The following FSTL1 variants were observed in gnomAD, a reference collection of about 807,000 sequenced individuals.
FSTL1 encodes follistatin-related protein 1.
A neutral mutation model predicts 45.9 loss-of-function variants in FSTL1; 24 were observed. The observed-to-expected ratio is 0.52, with a 90% CI of 0.38 to 0.74. The LOEUF (loss-of-function observed/expected upper bound fraction) is 0.74. Ranked by LOEUF, FSTL1 falls within the 30% of genes least tolerant of loss-of-function variation. The probability of loss-of-function intolerance (pLI) is 0.00; values close to 1 mark genes in which losing one functional copy is unlikely to be tolerated. For missense variants in FSTL1, 340 were observed against 381.8 expected (o/e 0.89, Z 0.91); for synonymous variants, 120 against 137.6 (o/e 0.87, Z 0.89).
chr3:120,396,935 T>TG lies in FSTL1; in HGVS notation c.*16dup, dbSNP rs759884608. The TG allele has an allele frequency of 6.3e-7, 1 of 1,592,618 alleles. No homozygotes were observed. Among genetic ancestry groups the TG allele is most frequent in the Non-Finnish European group, 8.6e-7 (1 of 1,160,278 alleles). On this transcript the variant is annotated 3_prime_UTR_variant, in exon 11 of 11. Coordinates refer to ENST00000295633, the MANE Select transcript of FSTL1 (RefSeq NM_007085.5). Reference sequence around the variant, plus strand: ...GGAGAAGATGCTGGGATCCAGACACTGGTCTGTGCCTCCTCATTAGATCTC... The same window carrying TG: ...GGAGAAGATGCTGGGATCCAGACACTGGGTCTGTGCCTCCTCATTAGATCTC...
intron 2 of FSTL1, among the ~76,000 whole-genome samples, chr3:120,426,367 C>T (rs927115055): frequency 1.3e-5 from 2 of 151,864 alleles, no homozygotes; most frequent in African/African-American, 4.8e-5. Flanking sequence ...GCTTCCCAAG[C>T]CCTGAACCCA....
chr3:120,445,402 AGAG>A (rs1268034553), intron 2 of FSTL1, among the ~76,000 whole-genome samples: 3 of 149,678 alleles, frequency 2.0e-5, no homozygotes, highest in Non-Finnish European at 4.4e-5. Context: ...CTAGACACCA[AGAG>A]AAGAGACAGA....
rs181125207 is a variant in FSTL1, at chr3:120,435,613, T to C, written c.63+15071A>G. 8.5e-5 allele frequency among the ~76,000 whole-genome samples: 13 copies of C among 152,330 alleles called. No individual in the cohort carries two copies. In the East Asian group the frequency reaches 2.5e-3, roughly 29 times the overall value. On this transcript the variant is annotated intron_variant, in intron 2 of 10. Coordinates refer to ENST00000295633, the MANE Select transcript of FSTL1 (RefSeq NM_007085.5). ...CAGACTGGCAGTCTAGAGCCTCAGC[T>C]ATCTATCTGAGCCCCAAATACATGC...
At chr3:120,412,090 ACT>A in intron 3 of FSTL1, 107 bp from the exon 4 acceptor site, 1 of 1,027,082 alleles carries the variant, frequency 9.7e-7, no homozygotes, top group Admixed American at 2.2e-5. Context: ...TTGTAAGGGG[ACT>A]CTCCACCACC....
At chr3:120,402,773 T>G in intron 9 of FSTL1, 35 bp downstream of exon 9, 2 of 1,205,324 alleles carry the variant, frequency 1.7e-6, no homozygotes, top group East Asian at 2.3e-5. Flanking sequence ...GCTCTCTCCT[T>G]GCTGTTTTTT....
At chr3:120,409,845 C>A (rs1937018436) in intron 5 of FSTL1, 183 bp from the exon 6 acceptor site, 2 of 429,784 alleles carry the variant, frequency 4.7e-6, no homozygotes, top group Non-Finnish European at 4.1e-6. Flanking sequence ...GATTCAAGCA[C>A]CCATCTCTAA....
chr3:120,407,697 A>T (rs1237909003), intron 6 of FSTL1, among the ~76,000 whole-genome samples: 2 of 152,230 alleles, frequency 1.3e-5, no homozygotes, highest in African/African-American at 4.8e-5. Flanking sequence ...AGACAGCAGC[A>T]TGTAAGACTC....
chr3:120,428,781 G>C (rs1360947877), intron 2 of FSTL1, among the ~76,000 whole-genome samples: 1 of 151,238 alleles, frequency 6.6e-6, no homozygotes, highest in Non-Finnish European at 1.5e-5. Context: ...ACAAAAAACA[G>C]GGACAAAGTC....
chr3:120,423,785 A>G (rs1012785748), intron 2 of FSTL1: 1 of 152,192 alleles, frequency 6.6e-6, no homozygotes, highest in African/African-American at 2.4e-5. Flanking sequence ...GGAGTTCCCA[A>G]GATATCTTGT....
intron 2 of FSTL1, among the ~76,000 whole-genome samples, chr3:120,437,442 G>A (rs1384002238): frequency 6.6e-6 from 1 of 152,142 alleles, no homozygotes; most frequent in Non-Finnish European, 1.5e-5. Context: ...TATAACATAA[G>A]TCAAACACTA....
At chr3:120,435,517 T>TC (rs1937534782) in intron 2 of FSTL1, among the ~76,000 whole-genome samples, 1 of 152,180 alleles carries the variant, frequency 6.6e-6, no homozygotes, top group East Asian at 1.9e-4. Flanking sequence ...GGCTTACAAT[T>TC]CCTAACTTTT....
At chr3:120,399,614 GC>G (rs1421562761) in intron 10 of FSTL1, among the ~76,000 whole-genome samples, 5 of 152,252 alleles carry the variant, frequency 3.3e-5, no homozygotes, top group African/African-American at 1.2e-4. Context: ...CACCTCATTT[GC>G]AAATCACCAC....
intron 3 of FSTL1, among the ~76,000 whole-genome samples, chr3:120,413,790 T>TCCCTCTCCCTCTCCCCC (rs1937118008): frequency 7.9e-4 from 1 of 1,262 alleles, no homozygotes; most frequent in African/African-American, 3.9e-3. Flanking sequence ...CCTCTCCCTC[T>TCCCTCTCCCTCTCCCCC]CCCCCTCCCC....
intron 2 of FSTL1, chr3:120,423,673 A>G (rs912329903): frequency 2.0e-5 from 3 of 152,126 alleles, no homozygotes; most frequent in African/African-American, 7.2e-5. Context: ...GTGACATACC[A>G]CACCGCCTTC....
chr3:120,417,316 C>G (rs1029389218), intron 2 of FSTL1, among the ~76,000 whole-genome samples: 2 of 152,178 alleles, frequency 1.3e-5, no homozygotes, highest in Non-Finnish European at 2.9e-5. Context: ...AAGAGGCTTT[C>G]GAGCTGAGGT....
At position 120,415,122 on chromosome 3, in the gene FSTL1, CAAAAAAAAAAAAACATT is replaced by C. The variant is rs1403773692; in HGVS notation, c.168+784_168+800del. Among the ~76,000 whole-genome samples the C allele has an allele frequency of 1.9e-4, 23 of 122,208 alleles. No individual in the cohort carries two copies. The Admixed American group carries it at 2.0e-3, about 11-fold the overall frequency. The allele number at this position is 122,208 out of a possible 152,430, so 80.2% of individuals were successfully genotyped here. On this transcript the variant is annotated intron_variant, in intron 3 of 10. Transcript: ENST00000295633. The stretch of plus-strand genomic sequence containing the variant: ...TAAATACATATTCATGTTTGTTTTT[CAAAAAAAAAAAAACATT>C]AAAAAAAAAAAACCCTGCATCTCAT...
chr3:120,425,819 A>C (rs771556876), intron 2 of FSTL1, among the ~76,000 whole-genome samples: 4 of 152,220 alleles, frequency 2.6e-5, no homozygotes, highest in Admixed American at 1.3e-4. Context: ...ATGCCTTTTC[A>C]TTCCCTCCCA....
At chr3:120,416,822 C>G (rs1937194606) in intron 2 of FSTL1, among the ~76,000 whole-genome samples, 1 of 152,342 alleles carries the variant, frequency 6.6e-6, no homozygotes, top group African/African-American at 2.4e-5. Context: ...TTCCCCTGTT[C>G]AGACGTGTGC....
intron 6 of FSTL1, among the ~76,000 whole-genome samples, chr3:120,406,749 G>A (rs1264720820): frequency 6.6e-6 from 1 of 151,856 alleles, no homozygotes; most frequent in Non-Finnish European, 1.5e-5. Flanking sequence ...AATTTATTGA[G>A]CCTCTCTTCA....
Sources: gnomAD v4.1 joint callset for allele counts (sites outside exome capture counted in the v4.1 genomes callset) on GRCh38, gnomAD v4.1.1 for gene constraint, MANE v1.5 for transcripts, NCBI Gene and HGNC (gene_info 2026-07-23, HGNC 2026-07-21) for gene names.